Variants in HDAC4 observed in about 807,000 individuals in gnomAD.
HDAC4 encodes the protein histone deacetylase 4.
A neutral mutation model predicts 135.1 loss-of-function variants in HDAC4; 16 were observed. That is an observed-to-expected ratio of 0.12 (90% CI 0.08 to 0.18). HDAC4 has a LOEUF of 0.18. Among genes scored for constraint, HDAC4 ranks in the 10% least tolerant of loss-of-function variants. HDAC4 has a pLI of 1.00. For missense variants in HDAC4, 1,143 were observed against 1,511.8 expected, an observed-to-expected ratio of 0.76 and a Z score of 4.05; for synonymous variants, 685 against 653.4, an observed-to-expected ratio of 1.05 and a Z score of -0.74.
At chr2:239,131,345 C>T (rs577461438) in intron 11 of HDAC4, among the ~76,000 whole-genome samples, 51 of 150,358 alleles carry the variant, frequency 3.4e-4, no homozygotes, top group Non-Finnish European at 5.3e-4. Flanking sequence ...CTATGCACCA[C>T]GATTACCAGC....
chr2:239,339,649 C>T (rs1431542827), intron 2 of HDAC4, among the ~76,000 whole-genome samples: 3 of 152,224 alleles, frequency 2.0e-5, no homozygotes, highest in Non-Finnish European at 4.4e-5. Flanking sequence ...CAGAGAACCA[C>T]ACATGTGGCC....
chr2:239,380,581 C>A (rs1695350202), intron 1 of HDAC4, among the ~76,000 whole-genome samples: 1 of 152,128 alleles, frequency 6.6e-6, no homozygotes, highest in African/African-American at 2.4e-5. Flanking sequence ...TTAATAGCTT[C>A]AGTTTTGCAA....
In HDAC4 at chr2:239,081,281, G is replaced by C; in HGVS notation, c.2653-89C>G. 4 of 1,125,470 alleles carry C rather than the reference G, an allele frequency of 3.6e-6. No homozygotes were observed. In the South Asian group the frequency reaches 5.2e-5, roughly 15 times the overall value. 69.7% of individuals were successfully genotyped at this position (1,125,470 alleles called of 1,614,324 possible). A position where few individuals can be genotyped will look rare whatever the true frequency, so the allele number is the denominator to read the frequency against. ...CCTGATGCAGGTGGCACCGGGATGGGCTCGGCCTTGGTGGGCCCCTGGGGA... is the reference window on the plus strand; with the variant it reads ...CCTGATGCAGGTGGCACCGGGATGGCCTCGGCCTTGGTGGGCCCCTGGGGA... On this transcript the variant is annotated intron_variant, in intron 21 of 26. Coordinates refer to ENST00000543185, the MANE Select transcript of HDAC4 (RefSeq NM_001378414.1).
At chr2:239,254,754 A>C (rs1362291534) in intron 2 of HDAC4, among the ~76,000 whole-genome samples, 1 of 152,268 alleles carries the variant, frequency 6.6e-6, no homozygotes, top group Non-Finnish European at 1.5e-5. Context: ...AGAATATTCC[A>C]GAATTCAGAC....
intron 1 of HDAC4, among the ~76,000 whole-genome samples, chr2:239,394,740 C>T (rs780419260): frequency 5.3e-5 from 8 of 152,270 alleles, no homozygotes; most frequent in Non-Finnish European, 1.2e-4. Flanking sequence ...GGGCCTCACC[C>T]CAGCTCTCCC....
chr2:239,112,173 T>C (rs2038736082), intron 13 of HDAC4, among the ~76,000 whole-genome samples: 1 of 152,094 alleles, frequency 6.6e-6, no homozygotes, highest in South Asian at 2.1e-4. Flanking sequence ...TGGCCCTCGC[T>C]GGTTTCACTG....
intron 3 of HDAC4, among the ~76,000 whole-genome samples, chr2:239,215,636 C>G (rs1262158947): frequency 6.6e-6 from 1 of 152,114 alleles, no homozygotes; most frequent in Non-Finnish European, 1.5e-5. Context: ...GAGACATCCC[C>G]GCAGGAAATG....
rs1368209818 is a variant in HDAC4, at chr2:239,126,652, T to G, written c.1337A>C (p.Gln446Pro). 7 of 1,614,012 alleles carry G rather than the reference T, an allele frequency of 4.3e-6. No homozygotes were observed. The highest frequency in any genetic ancestry group is 3.3e-4 in the Middle Eastern group (2 of 6,052). Residue 446 changes from glutamine (Q) to proline (P), a missense_variant, in exon 12 of 27, where the codon CAG (glutamine) becomes CCG (proline). Gln to Pro is a moderately conservative substitution (Grantham distance 76). Transcript: ENST00000543185. ...SGLGALPLHA[Q>P]SLVGADRVSP... ...CACCCGGTCTGCACCAACCAAGGAC[T>G]GTGCGTGGAGGGGCAGTGCTCCCAG...
At chr2:239,080,858 GCTC>G in intron 22 of HDAC4, 1 of 570,338 alleles carries the variant, frequency 1.8e-6, no homozygotes, top group South Asian at 2.2e-5. Flanking sequence ...CCCAAAGTGA[GCTC>G]CTGGTTTTAT....
chr2:239,175,726 G>C (rs1024130682), intron 5 of HDAC4, among the ~76,000 whole-genome samples: 1 of 152,176 alleles, frequency 6.6e-6, no homozygotes. Context: ...AAAGTACTTT[G>C]AAAAATGCAG....
chr2:239,274,194 G>A (rs2050218306), intron 2 of HDAC4, among the ~76,000 whole-genome samples: 1 of 152,168 alleles, frequency 6.6e-6, no homozygotes, highest in African/African-American at 2.4e-5. Flanking sequence ...TTGGACGGGG[G>A]TATCACTCTG....
chr2:239,387,084 G>T (rs1695864848), intron 1 of HDAC4, among the ~76,000 whole-genome samples: 2 of 141,000 alleles, frequency 1.4e-5, no homozygotes, highest in African/African-American at 6.5e-5. Flanking sequence ...GAGCACGAGT[G>T]TGTGGGTGGG....
At chr2:239,076,291 C>G (rs3791364) in intron 22 of HDAC4, among the ~76,000 whole-genome samples, 47,188 of 152,120 alleles carry the variant, frequency 0.31, 7,637 homozygotes, top group Admixed American at 0.44. Flanking sequence ...TCTGCTTCCT[C>G]GAAAGGCCAT....
At chr2:239,170,909 C>T (rs1195766293) in intron 5 of HDAC4, among the ~76,000 whole-genome samples, 1 of 152,184 alleles carries the variant, frequency 6.6e-6, no homozygotes, top group Non-Finnish European at 1.5e-5. Context: ...CGTAGGACCT[C>T]AAAGGGATAT....
chr2:239,051,840 A>T lies in HDAC4; in HGVS notation c.*1257T>A, dbSNP rs1190897575. 3 of 149,944 alleles carry T rather than the reference A, an allele frequency of 2.0e-5. No homozygotes were observed. Among genetic ancestry groups the T allele is most frequent in the Non-Finnish European group, 4.5e-5 (3 of 66,892 alleles). 9.3% of individuals were successfully genotyped at this position (149,944 alleles called of 1,614,324 possible). On this transcript the variant is annotated 3_prime_UTR_variant, in exon 27 of 27. Coordinates refer to ENST00000543185, the MANE Select transcript of HDAC4 (RefSeq NM_001378414.1). Reference sequence around the variant, plus strand: ...ATTTGCAGGGACCTTCGCAATCTGCATTCATTTTATATATATATATATACT... The same window carrying T: ...ATTTGCAGGGACCTTCGCAATCTGCTTTCATTTTATATATATATATATACT...
At chr2:239,183,476 G>A (rs1425497932) in intron 4 of HDAC4, among the ~76,000 whole-genome samples, 1 of 152,228 alleles carries the variant, frequency 6.6e-6, no homozygotes, top group Non-Finnish European at 1.5e-5. Flanking sequence ...GGGAACACCA[G>A]GTGCAGACCA....
rs2052699333 is a variant in HDAC4 at position 239,308,192 on chromosome 2, C to A, written c.22+44486G>T. ...ATGGGGGTGGTCAGCGTGCAGGAAG[C>A]CCTCCTTGACGATGAGCTATCAGCT... On this transcript the variant is annotated intron_variant, in intron 2 of 26. Transcript: ENST00000543185. This position sits in a 1 kb window ranked among gnomAD's most constrained non-coding sequence, Gnocchi z 4.2. 6.6e-6 allele frequency among the ~76,000 whole-genome samples: 1 copy of A among 152,162 alleles called. No individual in the cohort carries two copies. The highest frequency in any genetic ancestry group is 2.4e-5 in the African/African-American group (1 of 41,438).
At chr2:239,161,043 C>G (rs56336746) in intron 6 of HDAC4, among the ~76,000 whole-genome samples, 13,192 of 152,286 alleles carry the variant, frequency 0.087, 625 homozygotes, top group East Asian at 0.18. Context: ...GATGACCAGC[C>G]ATCTTGAGCA....
At chr2:239,391,917 G>A (rs2411854) in intron 1 of HDAC4, among the ~76,000 whole-genome samples, 3 of 48,736 alleles carry the variant, frequency 6.2e-5, no homozygotes, top group South Asian at 2.2e-3. Flanking sequence ...CGCAGCCCGC[G>A]TGTGCTGAAG....
Sources: gnomAD v4.1 joint callset for allele counts (sites outside exome capture counted in the v4.1 genomes callset) on GRCh38, gnomAD v4.1.1 for gene constraint, Gnocchi (gnomAD v3.1) non-coding constraint, MANE v1.5 for transcripts, NCBI Gene and HGNC (gene_info 2026-07-23, HGNC 2026-07-21) for gene names.